MYOM1: variants seen among roughly 807,000 people sequenced by gnomAD.
The protein encoded by MYOM1 is myomesin 1.
A neutral mutation model predicts 205.3 loss-of-function variants in MYOM1; 164 were observed. That is an observed-to-expected ratio of 0.80 (90% CI 0.70 to 0.91). The LOEUF (loss-of-function observed/expected upper bound fraction) is 0.91. Among genes scored for constraint, MYOM1 ranks in the 40% least tolerant of loss-of-function variants. The pLI is 0.00. For synonymous variants in MYOM1, 772 were observed against 789.4 expected (o/e 0.98, Z 0.37); for missense variants, 2,011 against 2,127.3 (o/e 0.95, Z 1.08).
rs1038805797 is a variant in MYOM1, at chr18:3,066,906, C to T, written c.*356G>A. ...AGCACATCACCTCTGTAACAACACA[C>T]GAGACACGGCCATGGCTTCACAGCT... On this transcript the variant is annotated 3_prime_UTR_variant, in exon 38 of 38. Coordinates refer to ENST00000356443, the MANE Select transcript of MYOM1 (RefSeq NM_003803.4). The T allele has an allele frequency of 1.0e-4, 24 of 240,144 alleles. No individual in the cohort carries two copies. The highest frequency in any genetic ancestry group is 2.2e-5 in the African/African-American group (1 of 45,056). The allele number at this position is 240,144 out of a possible 1,614,324, so 14.9% of individuals were successfully genotyped here.
At chr18:3,128,261 A>G (rs914953399) in intron 18 of MYOM1, among the ~76,000 whole-genome samples, 1 of 152,230 alleles carries the variant, frequency 6.6e-6, no homozygotes, top group African/African-American at 2.4e-5. Flanking sequence ...TCTCAAATGA[A>G]TATCTCCTCT....
At chr18:3,155,605 G>A (rs1263813800) in intron 10 of MYOM1, among the ~76,000 whole-genome samples, 2 of 152,178 alleles carry the variant, frequency 1.3e-5, no homozygotes, top group Non-Finnish European at 2.9e-5. Flanking sequence ...AAAATAGAAA[G>A]TGCTCTGAAA....
At chr18:3,218,149 T>G (rs2081292201) in intron 1 of MYOM1, among the ~76,000 whole-genome samples, 1 of 152,138 alleles carries the variant, frequency 6.6e-6, no homozygotes, top group African/African-American at 2.4e-5. Context: ...GCCTTAGCAT[T>G]CTTGAATAGT....
At chr18:3,068,759 T>C (rs1242272973) in intron 37 of MYOM1, among the ~76,000 whole-genome samples, 2 of 152,244 alleles carry the variant, frequency 1.3e-5, no homozygotes, top group African/African-American at 4.8e-5. Flanking sequence ...ACTATGTTTA[T>C]GCCCGTAAGG....
chr18:3,134,716 A>C lies in MYOM1; in HGVS notation c.2318T>G (p.Ile773Arg). 1 of 1,613,896 alleles carries C rather than the reference A, an allele frequency of 6.2e-7. No homozygotes were observed. Among genetic ancestry groups the C allele is most frequent in the Non-Finnish European group, 8.5e-7 (1 of 1,179,872 alleles). ...KDAKELVGYY[I>R]EASVAGSGKW... The stretch of plus-strand genomic sequence containing the variant: ...GCCAGAGCCAGCAACGCTCGCCTCT[A>C]TGTAGTACCCGACCAGCTCTTTGGC... The change falls in exon 16 of 38, where the codon ATA becomes AGA. Residue 773 changes from isoleucine to arginine, a missense_variant. Transcript: ENST00000356443.
rs1397569969 is a variant in MYOM1 at position 3,189,761 on chromosome 18, A to T, written c.432-674T>A. Among the ~76,000 whole-genome samples, 1 of 152,228 alleles carries T rather than the reference A, an allele frequency of 6.6e-6. No homozygotes were observed. The highest frequency in any genetic ancestry group is 1.9e-4 in the East Asian group (1 of 5,206). ...TCACTGGTTGTCTTAGTGTGTTTAA[A>T]CATGATTTTGTTTAAAATAAAAGAT... On this transcript the variant is annotated intron_variant, in intron 3 of 37. Coordinates refer to ENST00000356443, the MANE Select transcript of MYOM1 (RefSeq NM_003803.4). This position sits in a 1 kb window ranked among gnomAD's most constrained non-coding sequence, Gnocchi z 4.8.
intron 25 of MYOM1, among the ~76,000 whole-genome samples, chr18:3,095,746 G>A (rs60249550): frequency 2.0e-5 from 3 of 152,044 alleles, no homozygotes; most frequent in Non-Finnish European, 4.4e-5. Flanking sequence ...GTGGAGCTGA[G>A]AGCAGGGTCA....
chr18:3,229,004 T>C, the MYOM1 span, among the ~76,000 whole-genome samples: 1 of 152,378 alleles, frequency 6.6e-6, no homozygotes. Flanking sequence ...ATGTGTTGTA[T>C]TGCTCTGCTA....
chr18:3,084,920 T>A, intron 31 of MYOM1, 125 bp downstream of exon 31: 1 of 699,522 alleles, frequency 1.4e-6, no homozygotes, highest in Non-Finnish European at 2.4e-6. Flanking sequence ...GGAATTTCAA[T>A]TAAGCCAAAA....
At chr18:3,089,940 G>A (rs993534918) in intron 27 of MYOM1, among the ~76,000 whole-genome samples, 5 of 152,088 alleles carry the variant, frequency 3.3e-5, no homozygotes, top group African/African-American at 1.2e-4. Flanking sequence ...TAGTAGATTC[G>A]GCAGGCACTA....
At position 3,151,874 on chromosome 18, in the gene MYOM1, T is replaced by TGTGCCCACCTGTGCCC; in HGVS notation, c.1662_1663insGGGCACAGGTGGGCAC (p.Ser555GlyfsTer12). On this transcript the variant is annotated frameshift_variant, in exon 12 of 38. Transcript: ENST00000356443. LOFTEE classifies it high-confidence loss of function. ...GGTGTGTCATTGCACTGCGACCAGC[T>TGTGCCCACCTGTGCCC]ATCTGTGCCCACCTCACACCTAAAG... 1 of 1,612,800 alleles carries TGTGCCCACCTGTGCCC rather than the reference T, an allele frequency of 6.2e-7. No individual in the cohort carries two copies. Among genetic ancestry groups the TGTGCCCACCTGTGCCC allele is most frequent in the East Asian group, 2.2e-5 (1 of 44,838 alleles).
intron 8 of MYOM1, among the ~76,000 whole-genome samples, chr18:3,171,901 T>C (rs966839420): frequency 6.6e-6 from 1 of 152,174 alleles, no homozygotes; most frequent in Admixed American, 6.5e-5. Flanking sequence ...AGTCTAGTCC[T>C]TTACAGAAAA....
chr18:3,072,997 T>TTA (rs71366628), intron 36 of MYOM1, among the ~76,000 whole-genome samples: 15 of 147,792 alleles, frequency 1.0e-4, no homozygotes, highest in Non-Finnish European at 1.6e-4. Context: ...TTTTTTTTTT[T>TTA]AAGAGACAGG....
chr18:3,192,654 T>C (rs952522709), intron 3 of MYOM1, among the ~76,000 whole-genome samples: 10 of 152,192 alleles, frequency 6.6e-5, no homozygotes, highest in African/African-American at 2.2e-4. Flanking sequence ...GAGAAATAAA[T>C]AGGAGATGAA....
chr18:3,234,920 T>A, the MYOM1 span, among the ~76,000 whole-genome samples: 4 of 151,872 alleles, frequency 2.6e-5, no homozygotes, highest in African/African-American at 9.7e-5. Context: ...ATTATCTCTT[T>A]AAATTTTTTT....
chr18:3,083,182 A>C (rs1424329358), intron 33 of MYOM1, among the ~76,000 whole-genome samples: 1 of 152,146 alleles, frequency 6.6e-6, no homozygotes, highest in African/African-American at 2.4e-5. Context: ...GTACTTCTTA[A>C]ATCACAAAGA....
chr18:3,167,672 G>A (rs36112211), intron 9 of MYOM1, among the ~76,000 whole-genome samples: 20,535 of 152,150 alleles, frequency 0.13, 1,549 homozygotes, highest in Middle Eastern at 0.21. Context: ...GGTGTGAGCC[G>A]CTGTGCCCGG....
chr18:3,213,659 G>C (rs1615027), intron 2 of MYOM1, among the ~76,000 whole-genome samples: 43,268 of 152,146 alleles, frequency 0.28, 6,263 homozygotes, highest in African/African-American at 0.34. Context: ...TCATGGTAAC[G>C]TCCTTCTTTG....
intron 25 of MYOM1, among the ~76,000 whole-genome samples, chr18:3,096,848 C>T (rs2079312281): frequency 6.6e-6 from 1 of 151,942 alleles, no homozygotes; most frequent in East Asian, 1.9e-4. Context: ...GATATATATT[C>T]AAATAAGCTA....
Sources: gnomAD v4.1 joint callset for allele counts (sites outside exome capture counted in the v4.1 genomes callset) on GRCh38, gnomAD v4.1.1 for gene constraint, Gnocchi (gnomAD v3.1) non-coding constraint, MANE v1.5 for transcripts, NCBI Gene and HGNC (gene_info 2026-07-23, HGNC 2026-07-21) for gene names.